Variants in GARIN1A observed in about 807,000 individuals in gnomAD.
GARIN1A encodes golgi associated RAB2 interactor 1A.
chr7:128,687,272 C>T, the GARIN1A span: 1 of 152,220 alleles, frequency 6.6e-6, no homozygotes, highest in Non-Finnish European at 1.5e-5. Flanking sequence ...ACTGTGAACT[C>T]TGTCATAACA....
At chr7:128,676,449 GTA>G in the GARIN1A span, among the ~76,000 whole-genome samples, 1 of 124,760 alleles carries the variant, frequency 8.0e-6, no homozygotes, top group African/African-American at 3.0e-5. Flanking sequence ...AAGTGTGTGT[GTA>G]TATATGTGTG....
the GARIN1A span, among the ~76,000 whole-genome samples, chr7:128,704,063 A>G: frequency 6.6e-6 from 1 of 152,196 alleles, no homozygotes; most frequent in Non-Finnish European, 1.5e-5. Flanking sequence ...ACTGTATTGA[A>G]GGGAATGGAG....
At chr7:128,699,933 G>GT in the GARIN1A span, among the ~76,000 whole-genome samples, 6 of 152,026 alleles carry the variant, frequency 3.9e-5, no homozygotes, top group Admixed American at 3.9e-4. Context: ...TGAATTGAAC[G>GT]TTTTATCATT....
chr7:128,672,637 A>C, the GARIN1A span: 14 of 235,860 alleles, frequency 5.9e-5, no homozygotes, highest in Non-Finnish European at 1.1e-4. Flanking sequence ...TGGCCTTTTA[A>C]AGCCCTGGGG....
chr7:128,677,968 A>G, the GARIN1A span: 1 of 574,138 alleles, frequency 1.7e-6, no homozygotes, highest in Non-Finnish European at 2.8e-6. Context: ...TGAATGAATT[A>G]AAATTTATTT....
chr7:128,706,300 G>A, the GARIN1A span, among the ~76,000 whole-genome samples: 8 of 152,068 alleles, frequency 5.3e-5, no homozygotes, highest in African/African-American at 1.2e-4. Context: ...AAGAAATCCC[G>A]GTTCTTTAGA....
the GARIN1A span, chr7:128,682,871 C>G: frequency 5.0e-6 from 5 of 1,009,126 alleles, no homozygotes; most frequent in South Asian, 8.6e-5. Context: ...GCCACTGCAC[C>G]CAGCTGAAAG....
At chr7:128,677,029 T>G in the GARIN1A span, among the ~76,000 whole-genome samples, 1 of 151,110 alleles carries the variant, frequency 6.6e-6, no homozygotes, top group Admixed American at 6.6e-5. Context: ...CCAAAAAAAT[T>G]AGGTGGGTGT....
At chr7:128,679,663 G>T in the GARIN1A span, among the ~76,000 whole-genome samples, 1 of 152,088 alleles carries the variant, frequency 6.6e-6, no homozygotes, top group Non-Finnish European at 1.5e-5. Flanking sequence ...CAATAGATTG[G>T]ACTGTTCAAA....
At chr7:128,678,660 C>G in the GARIN1A span, among the ~76,000 whole-genome samples, 2 of 151,924 alleles carry the variant, frequency 1.3e-5, no homozygotes, top group East Asian at 3.9e-4. Context: ...AAAAATTAGC[C>G]AGGCATGGTG....
At chr7:128,683,148 T>G in the GARIN1A span, 3 of 1,608,842 alleles carry the variant, frequency 1.9e-6, no homozygotes, top group Non-Finnish European at 2.5e-6. Flanking sequence ...AGAGCACTTC[T>G]TGGGAGCCTG....
chr7:128,694,963 T>G, the GARIN1A span, among the ~76,000 whole-genome samples: 1 of 152,224 alleles, frequency 6.6e-6, no homozygotes, highest in South Asian at 2.1e-4. Context: ...TTGGTCTTTG[T>G]GTACTGACAT....
the GARIN1A span, among the ~76,000 whole-genome samples, chr7:128,705,968 C>T: frequency 1.3e-5 from 2 of 152,078 alleles, no homozygotes; most frequent in Non-Finnish European, 2.9e-5. Context: ...TAGTGATTTT[C>T]TGCTTCCATT....
At chr7:128,694,458 C>T in the GARIN1A span, among the ~76,000 whole-genome samples, 1 of 151,530 alleles carries the variant, frequency 6.6e-6, no homozygotes, top group Non-Finnish European at 1.5e-5. Context: ...TGCTTGAACC[C>T]GGGAGGTAGA....
At chr7:128,674,977 G>A in the GARIN1A span, among the ~76,000 whole-genome samples, 1 of 152,030 alleles carries the variant, frequency 6.6e-6, no homozygotes, top group African/African-American at 2.4e-5. Flanking sequence ...CTCTGGCCTT[G>A]GGAACATAGG....
At chr7:128,679,755 A>G in the GARIN1A span, among the ~76,000 whole-genome samples, 2 of 152,164 alleles carry the variant, frequency 1.3e-5, no homozygotes, top group African/African-American at 4.8e-5. Context: ...TCTGAAGGTC[A>G]GCAGTTTTAC....
the GARIN1A span, among the ~76,000 whole-genome samples, chr7:128,706,354 T>C: frequency 4.3e-3 from 657 of 152,330 alleles, 5 homozygotes; most frequent in African/African-American, 0.015. Flanking sequence ...CTTAGCGTGC[T>C]TCTTCCTACT....
chr7:128,691,391 T>A, the GARIN1A span: 4 of 152,220 alleles, frequency 2.6e-5, no homozygotes, highest in Non-Finnish European at 5.9e-5. Flanking sequence ...ATTTCCTCCC[T>A]TGTGGTGACA....
the GARIN1A span, among the ~76,000 whole-genome samples, chr7:128,694,653 T>G: frequency 6.6e-6 from 1 of 152,170 alleles, no homozygotes; most frequent in Non-Finnish European, 1.5e-5. Context: ...GGGGTACTGG[T>G]CACAAGAATT....
Sources: allele counts gnomAD v4.1 joint callset (sites outside exome capture counted in the v4.1 genomes callset), GRCh38; gene constraint gnomAD v4.1.1; transcripts MANE v1.5; gene names NCBI Gene and HGNC (gene_info 2026-07-23, HGNC 2026-07-21).